The following DCPS variants were observed in gnomAD, a reference collection of about 807,000 sequenced individuals.
DCPS encodes m7GpppX diphosphatase.
Under a neutral mutation model 34.7 loss-of-function variants are expected in DCPS, and 27 were observed. The observed-to-expected ratio is 0.78, with a 90% confidence interval of 0.57 to 1.07. DCPS has a LOEUF of 1.07. DCPS is among the 50% of genes least tolerant of loss of function. DCPS has a pLI of 0.00. For synonymous variants in DCPS, 185 were observed against 185.7 expected, an observed-to-expected ratio of 1.00 and a Z score of 0.03; for missense variants, 464 against 436.9, an observed-to-expected ratio of 1.06 and a Z score of -0.55.
rs1951591411 is a variant in DCPS at position 126,308,450 on chromosome 11, G to A, written c.376+1706G>A. ...TGGAAATATGTGAACACTTCATGGT[G>A]AGACAAGCAAACCTTTCATGACTTA... On this transcript the variant is annotated intron_variant, in intron 2 of 5. Transcript: ENST00000263579. Among the ~76,000 whole-genome samples the A allele has an allele frequency of 2.0e-5, 3 of 152,212 alleles. No homozygotes were observed. The South Asian group carries it at 6.2e-4, about 32-fold the overall frequency.
intron 2 of DCPS, among the ~76,000 whole-genome samples, chr11:126,307,776 G>C (rs1009790029): frequency 6.6e-6 from 1 of 152,184 alleles, no homozygotes; most frequent in Non-Finnish European, 1.5e-5. Flanking sequence ...CCTTACTATT[G>C]TATCTACATG....
chr11:126,316,037 C>G (rs1392070014), intron 2 of DCPS, among the ~76,000 whole-genome samples: 1 of 150,328 alleles, frequency 6.7e-6, no homozygotes, highest in African/African-American at 2.5e-5. Flanking sequence ...ATGTCCAGGT[C>G]GAGTGGATTC....
In DCPS at chr11:126,338,295, A is replaced by T; in HGVS notation, c.532A>T (p.Asn178Tyr). 1 of 1,614,134 alleles carries T rather than the reference A, an allele frequency of 6.2e-7. No individual in the cohort carries two copies. Among genetic ancestry groups the T allele is most frequent in the Non-Finnish European group, 8.5e-7 (1 of 1,180,014 alleles). Reference protein sequence around the residue: ...SQSLSIQWVYNILDKKAEADR... With the variant: ...SQSLSIQWVYYILDKKAEADR... ...CTCCCCCTCCTTTCAGTGGGTGTATAACATTCTCGACAAGAAGGCTGAAGC... is the reference window on the plus strand; with the variant it reads ...CTCCCCCTCCTTTCAGTGGGTGTATTACATTCTCGACAAGAAGGCTGAAGC... The change falls in exon 4 of 6, where the codon AAC (asparagine) becomes TAC (tyrosine). Residue 178 changes from asparagine to tyrosine, a missense_variant. By Grantham distance (143) the Asn-to-Tyr change is moderately radical. Coordinates refer to ENST00000263579, the MANE Select transcript of DCPS (RefSeq NM_014026.6). The surrounding 1 kb of genome is among the most constrained non-coding windows in gnomAD (Gnocchi z 5.4).
rs969969388 is a variant in DCPS at position 126,338,185 on chromosome 11, T to C, written c.523-101T>C. 1 of 1,107,198 alleles carries C rather than the reference T, an allele frequency of 9.0e-7. No homozygotes were observed. The highest frequency in any genetic ancestry group is 1.4e-5 in the South Asian group (1 of 71,156). The allele number at this position is 1,107,198 out of a possible 1,614,324, so 68.6% of individuals were successfully genotyped here. A position where few individuals can be genotyped will look rare whatever the true frequency, so the allele number is the denominator to read the frequency against. ...GTGGCGGCCTTTTATGGCTTGGTTC[T>C]GTCTCCTGGAGAGGCCAGGGAATGC... On this transcript the variant is annotated intron_variant, in intron 3 of 5. Coordinates refer to ENST00000263579, the MANE Select transcript of DCPS (RefSeq NM_014026.6). The surrounding 1 kb of genome is among the most constrained non-coding windows in gnomAD (Gnocchi z 5.4).
At position 126,346,723 on chromosome 11, in the gene DCPS, A is replaced by T. The variant is rs1951933143; in HGVS notation, c.*1110A>T. Among the ~76,000 whole-genome samples the T allele has an allele frequency of 6.6e-6, 1 of 152,122 alleles. No individual in the cohort carries two copies. On this transcript the variant is annotated 3_prime_UTR_variant, in exon 6 of 6. Coordinates refer to ENST00000263579, the MANE Select transcript of DCPS (RefSeq NM_014026.6). The surrounding 1 kb of genome is among the most constrained non-coding windows in gnomAD (Gnocchi z 4.1). The stretch of plus-strand genomic sequence containing the variant: ...TAAGTGACAGCAGGGGGGAAGCTTG[A>T]GGCACAGTGGGTGGTCCTTACTCTC...
Position 126,349,774 on chromosome 11 carries a change from A to G in DCPS, c.*4161A>G, listed in dbSNP as rs1418184915. On this transcript the variant is annotated 3_prime_UTR_variant, in exon 6 of 6. Coordinates refer to ENST00000263579, the MANE Select transcript of DCPS (RefSeq NM_014026.6). The surrounding 1 kb of genome is among the most constrained non-coding windows in gnomAD (Gnocchi z 5.4). The stretch of plus-strand genomic sequence containing the variant: ...AGGTTAAAATGTATTTTTTAAAATA[A>G]GATAATTATTGATAGTTGTTTTTAA... Among the ~76,000 whole-genome samples, 1 of 152,228 alleles carries G rather than the reference A, an allele frequency of 6.6e-6. No homozygotes were observed. Among genetic ancestry groups the G allele is most frequent in the Non-Finnish European group, 1.5e-5 (1 of 68,046 alleles).
chr11:126,310,427 C>T (rs79172668), intron 2 of DCPS, among the ~76,000 whole-genome samples: 18,970 of 152,190 alleles, frequency 0.12, 1,249 homozygotes, highest in African/African-American at 0.16. Context: ...TGCCGCGTAC[C>T]GTAGCTTCAG....
intron 2 of DCPS, among the ~76,000 whole-genome samples, chr11:126,316,330 T>C (rs1462136840): frequency 6.9e-6 from 1 of 144,910 alleles, no homozygotes; most frequent in Non-Finnish European, 1.5e-5. Context: ...CCGTGATTTC[T>C]TTTTTTTTTT....
At chr11:126,311,320 C>G (rs149967101) in intron 2 of DCPS, among the ~76,000 whole-genome samples, 75 of 152,364 alleles carry the variant, frequency 4.9e-4, no homozygotes, top group African/African-American at 1.8e-3. Context: ...TTGCCATTTG[C>G]TAACCATGAG....
rs1951748508 is a variant in DCPS, at chr11:126,327,247, T to TGTTAGGAAG, written c.377-4158_377-4157insGTTAGGAAG. On this transcript the variant is annotated intron_variant, in intron 2 of 5. Coordinates refer to ENST00000263579, the MANE Select transcript of DCPS (RefSeq NM_014026.6). The surrounding 1 kb of genome is among the most constrained non-coding windows in gnomAD (Gnocchi z 4.1). ...TTCTTTGTCCTTCCTAACTTTGACA[T>TGTTAGGAAG]TTTTGTAGTGTTATAAAGCCACTAG... Among the ~76,000 whole-genome samples, 1 of 152,154 alleles carries TGTTAGGAAG rather than the reference T, an allele frequency of 6.6e-6. No homozygotes were observed. Among genetic ancestry groups the TGTTAGGAAG allele is most frequent in the Non-Finnish European group, 1.5e-5 (1 of 68,022 alleles).
In DCPS at chr11:126,304,063, C is replaced by A; in HGVS notation, c.-18C>A. On this transcript the variant is annotated 5_prime_UTR_variant, in exon 1 of 6. Transcript: ENST00000263579. Reference sequence around the variant, plus strand: ...GGCCAGCGCAGGGGGCGCAGGCGCACACCGCCTCCGCGGCAGCATGGCGGA... The same window carrying A: ...GGCCAGCGCAGGGGGCGCAGGCGCAAACCGCCTCCGCGGCAGCATGGCGGA... 2 of 1,572,980 alleles carry A rather than the reference C, an allele frequency of 1.3e-6. No homozygotes were observed. Among genetic ancestry groups the A allele is most frequent in the Non-Finnish European group, 1.7e-6 (2 of 1,159,590 alleles).
rs2135321822 is a variant in DCPS, at chr11:126,325,071, TACTC to T, written c.377-6329_377-6326del. ...GGTGGTGGGCACCTGTAATCCCAGC[TACTC>T]ACTCGGGTTGCTGAGGCACGAGAAT... is the stretch of plus-strand genomic sequence containing the variant. On this transcript the variant is annotated intron_variant, in intron 2 of 5. Coordinates refer to ENST00000263579, the MANE Select transcript of DCPS (RefSeq NM_014026.6). The surrounding 1 kb of genome is among the most constrained non-coding windows in gnomAD (Gnocchi z 4.3). Among the ~76,000 whole-genome samples the T allele has an allele frequency of 6.6e-6, 1 of 152,154 alleles. No homozygotes were observed. The highest frequency in any genetic ancestry group is 2.4e-5 in the African/African-American group (1 of 41,532).
At position 126,315,081 on chromosome 11, in the gene DCPS, C is replaced by G. The variant is rs1951647988; in HGVS notation, c.376+8337C>G. Among the ~76,000 whole-genome samples the G allele has an allele frequency of 6.6e-6, 1 of 151,964 alleles. No individual in the cohort carries two copies. Among genetic ancestry groups the G allele is most frequent in the Admixed American group, 6.6e-5 (1 of 15,260 alleles). On this transcript the variant is annotated intron_variant, in intron 2 of 5. Coordinates refer to ENST00000263579, the MANE Select transcript of DCPS (RefSeq NM_014026.6). This position sits in a 1 kb window ranked among gnomAD's most constrained non-coding sequence, Gnocchi z 6.1. ...ATGATAGCAAAGACATGGAATCAAC[C>G]TAAATGCCCACTTGAGGGTGGAGGG...
rs1025826698 is a variant in DCPS, at chr11:126,313,064, G to A, written c.376+6320G>A. Among the ~76,000 whole-genome samples the A allele has an allele frequency of 1.3e-4, 20 of 151,558 alleles. No homozygotes were observed. The highest frequency in any genetic ancestry group is 4.7e-4 in the African/African-American group (19 of 40,832). On this transcript the variant is annotated intron_variant, in intron 2 of 5. Coordinates refer to ENST00000263579, the MANE Select transcript of DCPS (RefSeq NM_014026.6). This position sits in a 1 kb window ranked among gnomAD's most constrained non-coding sequence, Gnocchi z 4.9. ...TATTGCGGTCTGTTCTCCTTTACCT[G>A]GGGAAGAAGGGGGAGATAGCAGGGA...
In DCPS at chr11:126,345,505, C is replaced by T. The variant is rs148207687; in HGVS notation, c.906C>T (p.Ile302=). 1,351 of 1,614,096 alleles carry T rather than the reference C, an allele frequency of 8.4e-4. 1 individual carries two copies. The highest frequency in any genetic ancestry group is 1.1e-3 in the East Asian group (50 of 44,882). ...VERAHLLAEV[I]ENLECDPRHY... The stretch of plus-strand genomic sequence containing the variant: ...GGGCCCACCTGCTGGCTGAGGTGAT[C>T]GAGAACTTGGAGTGTGACCCTAGGC... The change falls in exon 6 of 6, where the codon ATC becomes ATT. Residue 302 remains isoleucine, a synonymous_variant. Transcript: ENST00000263579. This position sits in a 1 kb window ranked among gnomAD's most constrained non-coding sequence, Gnocchi z 7.4.
intron 2 of DCPS, among the ~76,000 whole-genome samples, chr11:126,314,530 A>T (rs1951644198): frequency 6.6e-6 from 1 of 151,992 alleles, no homozygotes; most frequent in South Asian, 2.1e-4. Flanking sequence ...TGAAAAAGAT[A>T]TTTGCACATA....
At position 126,347,120 on chromosome 11, in the gene DCPS, G is replaced by A. The variant is rs1321874435; in HGVS notation, c.*1507G>A. Reference sequence around the variant, plus strand: ...AAAATAGAAACAGCCGGGGAGTGGAGGGTGTGGTCAGAAAGCCTCAGGGAC... The same window carrying A: ...AAAATAGAAACAGCCGGGGAGTGGAAGGTGTGGTCAGAAAGCCTCAGGGAC... On this transcript the variant is annotated 3_prime_UTR_variant, in exon 6 of 6. Coordinates refer to ENST00000263579, the MANE Select transcript of DCPS (RefSeq NM_014026.6). The surrounding 1 kb of genome is among the most constrained non-coding windows in gnomAD (Gnocchi z 4.2). Among the ~76,000 whole-genome samples, 1 of 151,892 alleles carries A rather than the reference G, an allele frequency of 6.6e-6. No individual in the cohort carries two copies. Among genetic ancestry groups the A allele is most frequent in the Non-Finnish European group, 1.5e-5 (1 of 67,996 alleles).
rs371676072 is a variant in DCPS at position 126,345,557 on chromosome 11, G to A, written c.958G>A (p.Ala320Thr). ...RHYQQRTLTF[A>T]LRADDPLLKL... Reference sequence around the variant, plus strand: ...CTACCAGCAGCGCACGCTCACCTTCGCCCTCAGGGCTGACGACCCCCTGCT... The same window carrying A: ...CTACCAGCAGCGCACGCTCACCTTCACCCTCAGGGCTGACGACCCCCTGCT... The change falls in exon 6 of 6, where the codon GCC (alanine) becomes ACC (threonine). Residue 320 changes from alanine to threonine, a missense_variant. Transcript: ENST00000263579. The surrounding 1 kb of genome is among the most constrained non-coding windows in gnomAD (Gnocchi z 7.4). The A allele has an allele frequency of 4.6e-5, 75 of 1,613,752 alleles. No individual in the cohort carries two copies. Among genetic ancestry groups the A allele is most frequent in the Non-Finnish European group, 5.8e-5 (69 of 1,180,038 alleles).
chr11:126,349,761 A>T lies in DCPS; in HGVS notation c.*4148A>T, dbSNP rs1951974506. Among the ~76,000 whole-genome samples, 1 of 152,212 alleles carries T rather than the reference A, an allele frequency of 6.6e-6. No individual in the cohort carries two copies. Among genetic ancestry groups the T allele is most frequent in the Admixed American group, 6.5e-5 (1 of 15,280 alleles). On this transcript the variant is annotated 3_prime_UTR_variant, in exon 6 of 6. Transcript: ENST00000263579. This position sits in a 1 kb window ranked among gnomAD's most constrained non-coding sequence, Gnocchi z 5.4. ...ACATGTATATATAAGGTTAAAATGT[A>T]TTTTTTAAAATAAGATAATTATTGA...
Sources: allele counts gnomAD v4.1 joint callset (sites outside exome capture counted in the v4.1 genomes callset), GRCh38; gene constraint gnomAD v4.1.1; non-coding constraint Gnocchi (gnomAD v3.1); transcripts MANE v1.5; gene names NCBI Gene and HGNC (gene_info 2026-07-23, HGNC 2026-07-21).